Variants in SH2D4B observed in about 807,000 individuals in gnomAD.
SH2D4B encodes the protein SH2 domain-containing protein 4B.
SH2D4B carries 45 observed loss-of-function variants against 61.5 expected under a neutral mutation model. The ratio of observed to expected loss-of-function variants is 0.73; its 90% CI spans 0.58 to 0.94. SH2D4B has a LOEUF of 0.94. Among genes scored for constraint, SH2D4B ranks in the 40% least tolerant of loss-of-function variants. SH2D4B has a pLI of 0.00. For missense variants in SH2D4B, 572 were observed against 574.2 expected (o/e 1.00, Z 0.04); for synonymous variants, 224 against 220.4 (o/e 1.02, Z -0.14).
chr10:80,539,457 G>A lies in SH2D4B; in HGVS notation c.184+942G>A, dbSNP rs1841549326. Among the ~76,000 whole-genome samples the A allele has an allele frequency of 6.6e-6, 1 of 152,214 alleles. No individual in the cohort carries two copies. The highest frequency in any genetic ancestry group is 6.5e-5 in the Admixed American group (1 of 15,284). ...GCTCACTGCTGGCCAGTCCCCACCA[G>A]GTGCCACAGGCCACACCCACATCAT... On this transcript the variant is annotated intron_variant, in intron 1 of 7. Transcript: ENST00000646907. The surrounding 1 kb of genome is among the most constrained non-coding windows in gnomAD (Gnocchi z 4.9).
intron 6 of SH2D4B, among the ~76,000 whole-genome samples, chr10:80,621,517 G>A (rs1020750603): frequency 2.6e-5 from 4 of 152,200 alleles, no homozygotes; most frequent in Non-Finnish European, 5.9e-5. Flanking sequence ...CAGTTTAACT[G>A]TGATTTTCTA....
intron 1 of SH2D4B, among the ~76,000 whole-genome samples, chr10:80,550,116 G>C (rs1841739064): frequency 6.6e-6 from 1 of 152,136 alleles, no homozygotes; most frequent in Admixed American, 6.5e-5. Context: ...TAAGGAGGAT[G>C]GGTCGGATGG....
In SH2D4B at chr10:80,603,878, TG is replaced by T. The variant is rs1048676210; in HGVS notation, c.860+84del. ...GACACCGGGGTCCCCGTCCCGGGTCTGCCCCAGATTTGCTGTGTAGTTTGGG... is the reference window on the plus strand; with the variant it reads ...GACACCGGGGTCCCCGTCCCGGGTCTCCCCAGATTTGCTGTGTAGTTTGGG... On this transcript the variant is annotated intron_variant, in intron 5 of 7. Transcript: ENST00000646907. The T allele has an allele frequency of 2.4e-6, 3 of 1,269,382 alleles. No homozygotes were observed. The African/African-American group carries it at 4.4e-5, about 19-fold the overall frequency. The allele number at this position is 1,269,382 out of a possible 1,614,324, so 78.6% of individuals were successfully genotyped here. A position where few individuals can be genotyped will look rare whatever the true frequency, so the allele number is the denominator to read the frequency against.
chr10:80,614,122 C>T (rs1377863849), intron 6 of SH2D4B, among the ~76,000 whole-genome samples: 2 of 152,132 alleles, frequency 1.3e-5, no homozygotes, highest in Admixed American at 6.5e-5. Context: ...CAAAACTGGG[C>T]TCCAGGTGTG....
intron 3 of SH2D4B, among the ~76,000 whole-genome samples, chr10:80,577,498 C>T (rs985733416): frequency 6.6e-6 from 1 of 151,548 alleles, no homozygotes; most frequent in Non-Finnish European, 1.5e-5. Context: ...GCAATCTCAG[C>T]TCACTGCAAG....
chr10:80,583,123 C>G (rs897603148), intron 3 of SH2D4B, among the ~76,000 whole-genome samples: 1 of 152,132 alleles, frequency 6.6e-6, no homozygotes, highest in Non-Finnish European at 1.5e-5. Flanking sequence ...CCAAATCAAA[C>G]GAACTTAAAC....
Position 80,570,184 on chromosome 10 carries a change from TA to T in SH2D4B, c.216del (p.Ala74GlnfsTer26). On this transcript the variant is annotated frameshift_variant, in exon 2 of 8. Transcript: ENST00000646907. LOFTEE classifies it high-confidence loss of function. ...AASDKHIQWL[L>X]GADGEVWVWI... Reference sequence around the variant, plus strand: ...AGTGACAAGCACATCCAATGGCTCCTAGGGGCAGATGGCGAGGTCTGGGTCT... The same window carrying T: ...AGTGACAAGCACATCCAATGGCTCCTGGGGCAGATGGCGAGGTCTGGGTCT... 6.2e-7 allele frequency: 1 copy of T among 1,614,120 alleles called. No homozygotes were observed. Among genetic ancestry groups the T allele is most frequent in the Non-Finnish European group, 8.5e-7 (1 of 1,180,002 alleles).
intron 1 of SH2D4B, among the ~76,000 whole-genome samples, chr10:80,545,592 C>T (rs887728472): frequency 3.9e-5 from 6 of 151,920 alleles, no homozygotes; most frequent in African/African-American, 1.2e-4. Flanking sequence ...TGCTTGTTTA[C>T]GGTCCATCTC....
intron 1 of SH2D4B, among the ~76,000 whole-genome samples, chr10:80,545,636 A>T (rs991923859): frequency 6.6e-6 from 1 of 150,762 alleles, no homozygotes; most frequent in Non-Finnish European, 1.5e-5. Context: ...GAGTCCATGG[A>T]TGTTGCTTGC....
chr10:80,572,228 C>A (rs1842056883), intron 3 of SH2D4B, among the ~76,000 whole-genome samples: 1 of 152,180 alleles, frequency 6.6e-6, no homozygotes, highest in Admixed American at 6.5e-5. Context: ...AGGCCTAGAA[C>A]ATTCCTTGTT....
chr10:80,591,505 CTTTT>C (rs763446349), intron 4 of SH2D4B, among the ~76,000 whole-genome samples: 1 of 108,914 alleles, frequency 9.2e-6, no homozygotes. Context: ...GCCAAACTGG[CTTTT>C]TTTTTTTTTT....
At chr10:80,595,686 A>G (rs1842377654) in intron 4 of SH2D4B, among the ~76,000 whole-genome samples, 1 of 152,184 alleles carries the variant, frequency 6.6e-6, no homozygotes, top group Non-Finnish European at 1.5e-5. Context: ...TTCAGATAAG[A>G]GTCAAATCTC....
At chr10:80,615,221 A>G (rs902176776) in intron 6 of SH2D4B, among the ~76,000 whole-genome samples, 2 of 152,200 alleles carry the variant, frequency 1.3e-5, no homozygotes, top group African/African-American at 2.4e-5. Flanking sequence ...CCTGCATCCC[A>G]TGGCACTGCC....
At chr10:80,629,941 A>G (rs1010967359) in intron 6 of SH2D4B, among the ~76,000 whole-genome samples, 1 of 152,180 alleles carries the variant, frequency 6.6e-6, no homozygotes, top group Non-Finnish European at 1.5e-5. Flanking sequence ...TGTCCCAGGC[A>G]TGGAGGATGT....
chr10:80,593,389 G>A (rs1191111246), intron 4 of SH2D4B, among the ~76,000 whole-genome samples: 1 of 152,152 alleles, frequency 6.6e-6, no homozygotes, highest in Non-Finnish European at 1.5e-5. Flanking sequence ...ATATTTTATA[G>A]TTTTCAGTGT....
At chr10:80,630,116 A>G (rs1842813051) in intron 6 of SH2D4B, among the ~76,000 whole-genome samples, 1 of 147,420 alleles carries the variant, frequency 6.8e-6, no homozygotes, top group South Asian at 2.1e-4. Flanking sequence ...AGAGGGAAGA[A>G]GGATGATTGG....
rs555679702 is a variant in SH2D4B, at chr10:80,604,156, C to G, written c.860+361C>G. On this transcript the variant is annotated intron_variant, in intron 5 of 7. Transcript: ENST00000646907. ...CGGCTAAGAACTTGTAGTGAGACCT[C>G]AGATGGGTAAAGCATGGCCGGGCAG... Among the ~76,000 whole-genome samples the G allele has an allele frequency of 3.3e-5, 5 of 152,328 alleles. No individual in the cohort carries two copies. In the South Asian group the frequency reaches 1.0e-3, roughly 32 times the overall value.
intron 1 of SH2D4B, among the ~76,000 whole-genome samples, chr10:80,541,536 G>A (rs1290795723): frequency 1.3e-5 from 2 of 152,128 alleles, no homozygotes; most frequent in Non-Finnish European, 2.9e-5. Flanking sequence ...AGCCTAGAGT[G>A]ACACTGGGCC....
intron 1 of SH2D4B, among the ~76,000 whole-genome samples, chr10:80,565,691 C>T (rs1318193319): frequency 6.6e-6 from 1 of 152,168 alleles, no homozygotes; most frequent in African/African-American, 2.4e-5. Flanking sequence ...TATCTTTTGC[C>T]TCCCCATCCT....
Sources: gnomAD v4.1 joint callset for allele counts (sites outside exome capture counted in the v4.1 genomes callset) on GRCh38, gnomAD v4.1.1 for gene constraint, Gnocchi (gnomAD v3.1) non-coding constraint, MANE v1.5 for transcripts, NCBI Gene and HGNC (gene_info 2026-07-23, HGNC 2026-07-21) for gene names.